GABRB1: variants seen among roughly 807,000 people sequenced by gnomAD.
The protein encoded by GABRB1 is gamma-aminobutyric acid type A receptor subunit beta1, also known as gamma-aminobutyric acid receptor subunit beta-1.
In GABRB1, 17 loss-of-function variants were observed where a neutral mutation model predicts 51.6. The observed-to-expected ratio is 0.33, with a 90% CI of 0.23 to 0.49. The LOEUF (loss-of-function observed/expected upper bound fraction) is 0.49, where lower values mean the gene tolerates loss of function less well. Among genes scored for constraint, GABRB1 ranks in the 20% least tolerant of loss-of-function variants. GABRB1 has a pLI of 0.99. For synonymous variants in GABRB1, 247 were observed against 218.9 expected (o/e 1.13, Z -1.14); for missense variants, 410 against 600.6 (o/e 0.68, Z 3.32).
intron 3 of GABRB1, among the ~76,000 whole-genome samples, chr4:47,148,681 T>A (rs2109710023): frequency 6.6e-6 from 1 of 151,848 alleles, no homozygotes; most frequent in East Asian, 1.9e-4. Flanking sequence ...TGGCCTTCCC[T>A]TGGCTAACAT....
chr4:47,421,379 C>CT lies in GABRB1; in HGVS notation c.1081-4287dup, dbSNP rs879646739. ...ACTAGCCGATTCTAAACTCTAGCAACTTTTTTTTACTTAGAGAGATTCATA... is the reference window on the plus strand; with the variant it reads ...ACTAGCCGATTCTAAACTCTAGCAACTTTTTTTTTACTTAGAGAGATTCATA... On this transcript the variant is annotated intron_variant, in intron 8 of 8. Transcript: ENST00000295454. Among the ~76,000 whole-genome samples the CT allele has an allele frequency of 1.2e-3, 179 of 152,064 alleles. 4 individuals are homozygous for CT. The Middle Eastern group carries it at 0.014, about 12-fold the overall frequency.
At chr4:47,087,666 T>C (rs1332438609) in intron 3 of GABRB1, among the ~76,000 whole-genome samples, 1 of 152,142 alleles carries the variant, frequency 6.6e-6, no homozygotes, top group African/African-American at 2.4e-5. Flanking sequence ...CCTAATATTA[T>C]GGAGTTTTCC....
intron 4 of GABRB1, among the ~76,000 whole-genome samples, chr4:47,288,554 GC>G (rs1323399402): frequency 6.6e-6 from 1 of 152,090 alleles, no homozygotes; most frequent in East Asian, 1.9e-4. Flanking sequence ...GAGCCACCAT[GC>G]CCAGCCAGGG....
intron 5 of GABRB1, among the ~76,000 whole-genome samples, chr4:47,376,729 A>T (rs1331425207): frequency 6.6e-6 from 1 of 151,474 alleles, no homozygotes; most frequent in African/African-American, 2.4e-5. Flanking sequence ...AGCTAGGCTG[A>T]CAGGATTTGA....
At chr4:47,203,268 C>T (rs1048574760) in intron 4 of GABRB1, among the ~76,000 whole-genome samples, 8 of 152,146 alleles carry the variant, frequency 5.3e-5, no homozygotes, top group Non-Finnish European at 8.8e-5. Context: ...ATCTGTTGCC[C>T]TTTCACTTCA....
At chr4:47,193,547 C>A (rs1425235436) in intron 4 of GABRB1, among the ~76,000 whole-genome samples, 1 of 152,152 alleles carries the variant, frequency 6.6e-6, no homozygotes, top group Non-Finnish European at 1.5e-5. Flanking sequence ...AATGGAATAA[C>A]ACCAAATATC....
At chr4:47,380,644 G>T (rs1727563607) in intron 5 of GABRB1, among the ~76,000 whole-genome samples, 1 of 152,164 alleles carries the variant, frequency 6.6e-6, no homozygotes, top group South Asian at 2.1e-4. Flanking sequence ...TGAAGAAAAA[G>T]AGTACTTCAG....
At chr4:47,261,376 C>T (rs970490205) in intron 4 of GABRB1, among the ~76,000 whole-genome samples, 4 of 152,160 alleles carry the variant, frequency 2.6e-5, no homozygotes, top group African/African-American at 9.7e-5. Flanking sequence ...ACAAAAATCA[C>T]AAGCATTCTT....
intron 3 of GABRB1, among the ~76,000 whole-genome samples, chr4:47,033,838 G>C (rs1237989581): frequency 5.9e-5 from 9 of 152,092 alleles, no homozygotes; most frequent in Admixed American, 5.2e-4. Context: ...TGATTGTCGT[G>C]CTGGAAAAAG....
intron 1 of GABRB1, among the ~76,000 whole-genome samples, chr4:47,005,746 T>C (rs962314024): frequency 3.4e-5 from 5 of 148,728 alleles, no homozygotes; most frequent in Admixed American, 6.8e-5. Context: ...CCAGTGCTTC[T>C]GCAATGGCTA....
At chr4:47,327,805 C>T (rs867549133) in intron 5 of GABRB1, among the ~76,000 whole-genome samples, 19 of 152,118 alleles carry the variant, frequency 1.2e-4, no homozygotes, top group African/African-American at 4.3e-4. Flanking sequence ...AAATTATTTT[C>T]TTGTCTACAA....
At chr4:47,176,938 A>G (rs1288288308) in intron 4 of GABRB1, among the ~76,000 whole-genome samples, 1 of 152,170 alleles carries the variant, frequency 6.6e-6, no homozygotes, top group African/African-American at 2.4e-5. Flanking sequence ...TGAGGCAGTA[A>G]CAAGTAACTT....
chr4:47,037,795 C>A (rs988138023), intron 3 of GABRB1, among the ~76,000 whole-genome samples: 2 of 151,976 alleles, frequency 1.3e-5, no homozygotes, highest in Admixed American at 1.3e-4. Flanking sequence ...CAATTCTTAC[C>A]CCTCCCCACC....
rs761816424 is a variant in GABRB1, at chr4:47,161,323, C to T, written c.315C>T (p.Asn105=). 3.1e-6 allele frequency: 5 copies of T among 1,612,218 alleles called. No homozygotes were observed. In the East Asian group the frequency reaches 1.1e-4, roughly 36 times the overall value. Residue 105 remains asparagine (N), a synonymous_variant, in exon 4 of 9, where the codon AAC becomes AAT. Transcript: ENST00000295454. ...KRLSYSGIPL[N]LTLDNRVADQ... Reference sequence around the variant, plus strand: ...TTTCTTATTCTGGAATCCCACTGAACCTCACCCTAGACAATAGGGTAGCTG... The same window carrying T: ...TTTCTTATTCTGGAATCCCACTGAATCTCACCCTAGACAATAGGGTAGCTG...
At chr4:47,336,240 G>A (rs923414935) in intron 5 of GABRB1, among the ~76,000 whole-genome samples, 26 of 152,298 alleles carry the variant, frequency 1.7e-4, no homozygotes, top group African/African-American at 5.8e-4. Flanking sequence ...TCATGATCTT[G>A]TAGATATATT....
intron 1 of GABRB1, among the ~76,000 whole-genome samples, chr4:47,009,460 A>G (rs930479167): frequency 9.2e-5 from 14 of 152,178 alleles, no homozygotes; most frequent in African/African-American, 3.4e-4. Context: ...AATCAACACT[A>G]TCTACCAAGT....
At chr4:47,118,372 A>C (rs1376231550) in intron 3 of GABRB1, among the ~76,000 whole-genome samples, 2 of 152,154 alleles carry the variant, frequency 1.3e-5, no homozygotes, top group Admixed American at 6.6e-5. Flanking sequence ...TTCTATCTAG[A>C]GTCATAAAAA....
rs1031492003 is a variant in GABRB1 at position 46,998,732 on chromosome 4, T to TAAAAA, written c.-20+4825_-20+4829dup. The stretch of plus-strand genomic sequence containing the variant: ...CTGGGCCACTGAGCAAGACTCTGTC[T>TAAAAA]AAAAAAAAAAAAAAAAAAAAAAAGT... On this transcript the variant is annotated intron_variant, in intron 1 of 3. Transcript: ENST00000513567. Among the ~76,000 whole-genome samples the TAAAAA allele has an allele frequency of 6.5e-3, 434 of 66,370 alleles. 5 individuals are homozygous for TAAAAA. The highest frequency in any genetic ancestry group is 0.021 in the African/African-American group (360 of 17,194). 43.5% of individuals were successfully genotyped at this position (66,370 alleles called of 152,430 possible). A position where few individuals can be genotyped will look rare whatever the true frequency, so the allele number is the denominator to read the frequency against.
rs1039831406 is a variant in GABRB1, at chr4:47,412,476, CA to C, written c.1080+5559del. Reference sequence around the variant, plus strand: ...TTACTGTTCCTATCATTTTTATTTTCAAAAAAAAATTTAAACATGCTTTATA... The same window carrying C: ...TTACTGTTCCTATCATTTTTATTTTCAAAAAAAATTTAAACATGCTTTATA... On this transcript the variant is annotated intron_variant, in intron 8 of 8. Transcript: ENST00000295454. 1.9e-3 allele frequency among the ~76,000 whole-genome samples: 287 copies of C among 151,304 alleles called. 1 individual carries two copies. Among genetic ancestry groups the C allele is most frequent in the African/African-American group, 6.5e-3 (270 of 41,300 alleles).
Sources: gnomAD v4.1 joint callset for allele counts (sites outside exome capture counted in the v4.1 genomes callset) on GRCh38, gnomAD v4.1.1 for gene constraint, MANE v1.5 for transcripts, NCBI Gene and HGNC (gene_info 2026-07-23, HGNC 2026-07-21) for gene names.